Variants in FOXN3 observed in about 807,000 individuals in gnomAD.
The protein encoded by FOXN3 is forkhead box N3.
A neutral mutation model predicts 38.4 loss-of-function variants in FOXN3; 7 were observed. That is an observed-to-expected ratio of 0.18 (90% CI 0.10 to 0.34). The LOEUF (loss-of-function observed/expected upper bound fraction) is 0.34. Ranked by LOEUF, FOXN3 falls within the 10% of genes least tolerant of loss-of-function variation. FOXN3 has a pLI of 1.00. For synonymous variants in FOXN3, 230 were observed against 242.2 expected, an observed-to-expected ratio of 0.95 and a Z score of 0.47; for missense variants, 456 against 613.4, an observed-to-expected ratio of 0.74 and a Z score of 2.71.
intron 1 of FOXN3, among the ~76,000 whole-genome samples, chr14:89,513,904 TTA>T (rs1894147950): frequency 7.9e-6 from 1 of 127,256 alleles, no homozygotes; most frequent in South Asian, 2.4e-4. Flanking sequence ...TCTTTCTCTC[TTA>T]CACACACACA....
chr14:89,311,820 C>T (rs1328251841), intron 3 of FOXN3, among the ~76,000 whole-genome samples: 3 of 151,140 alleles, frequency 2.0e-5, no homozygotes, highest in East Asian at 3.9e-4. Context: ...AGCGAGACTC[C>T]GTCTCAAAAA....
At chr14:89,300,015 T>C (rs1887168750) in intron 3 of FOXN3, among the ~76,000 whole-genome samples, 1 of 152,138 alleles carries the variant, frequency 6.6e-6, no homozygotes. Context: ...CATTTTGAGG[T>C]GGTGACCAAC....
At chr14:89,328,087 A>G (rs1198070469) in intron 3 of FOXN3, among the ~76,000 whole-genome samples, 1 of 152,260 alleles carries the variant, frequency 6.6e-6, no homozygotes, top group Non-Finnish European at 1.5e-5. Context: ...CAAAACAGCC[A>G]GGATCGTTAA....
In FOXN3 at chr14:89,193,287, T is replaced by C. The variant is rs530750265; in HGVS notation, c.746-12481A>G. ...AGGAAGTCTGGAGTCTTTTCCTATT[T>C]ATATGGCCAGAAAATTAAAGAAAAT... On this transcript the variant is annotated intron_variant, in intron 4 of 5. Transcript: ENST00000557258. 6.6e-5 allele frequency among the ~76,000 whole-genome samples: 10 copies of C among 151,870 alleles called. No individual in the cohort carries two copies. The South Asian group carries it at 8.3e-4, about 13-fold the overall frequency.
intron 3 of FOXN3, among the ~76,000 whole-genome samples, chr14:89,281,512 TC>T (rs1886459588): frequency 1.3e-5 from 2 of 152,218 alleles, no homozygotes; most frequent in South Asian, 4.2e-4. Flanking sequence ...ATTTCCTCCT[TC>T]CCCCTCTTCT....
chr14:89,534,456 T>C (rs1046941451), intron 1 of FOXN3, among the ~76,000 whole-genome samples: 9 of 152,136 alleles, frequency 5.9e-5, no homozygotes, highest in African/African-American at 1.7e-4. Context: ...CGAAGAAACA[T>C]TGGAATTTTA....
At position 89,188,845 on chromosome 14, in the gene FOXN3, TA is replaced by T. The variant is rs546498137; in HGVS notation, c.746-8040del. Among the ~76,000 whole-genome samples, 1,316 of 149,862 alleles carry T rather than the reference TA, an allele frequency of 8.8e-3. 20 individuals carry two copies. The highest frequency in any genetic ancestry group is 0.029 in the African/African-American group (1,199 of 40,966). ...TGCCATCTAAGAATGGAAGTTTATT[TA>T]AAAAAAAAAATTTAAAAACATATAC... On this transcript the variant is annotated intron_variant, in intron 4 of 5. Coordinates refer to ENST00000557258, the MANE Select transcript of FOXN3 (RefSeq NM_005197.4).
At chr14:89,270,343 G>T (rs1309391662) in intron 4 of FOXN3, among the ~76,000 whole-genome samples, 5 of 152,186 alleles carry the variant, frequency 3.3e-5, no homozygotes. Context: ...TGTCGGGGGT[G>T]GAAGGTACTG....
At chr14:89,555,870 T>TGTGTGG (rs1895107426) in intron 1 of FOXN3, among the ~76,000 whole-genome samples, 1 of 117,404 alleles carries the variant, frequency 8.5e-6, no homozygotes, top group Non-Finnish European at 1.8e-5. Flanking sequence ...TGTGTGTGTG[T>TGTGTGG]GTGTGTATGT....
At chr14:89,440,604 C>G (rs189395641) in intron 1 of FOXN3, among the ~76,000 whole-genome samples, 1 of 152,202 alleles carries the variant, frequency 6.6e-6, no homozygotes, top group Non-Finnish European at 1.5e-5. Flanking sequence ...CCTTGCGACC[C>G]CGACTCCTGC....
intron 1 of FOXN3, among the ~76,000 whole-genome samples, chr14:89,597,001 A>C (rs1391795993): frequency 6.6e-6 from 1 of 152,022 alleles, no homozygotes; most frequent in Non-Finnish European, 1.5e-5. Context: ...CCTTTCTTCA[A>C]CACTGTAAAA....
intron 3 of FOXN3, among the ~76,000 whole-genome samples, chr14:89,341,976 G>A (rs1017832803): frequency 6.6e-6 from 1 of 152,112 alleles, no homozygotes; most frequent in African/African-American, 2.4e-5. Flanking sequence ...GCACCTACTA[G>A]GCCCATCAAC....
At chr14:89,511,953 CT>C (rs1232418590) in intron 1 of FOXN3, among the ~76,000 whole-genome samples, 2 of 152,178 alleles carry the variant, frequency 1.3e-5, no homozygotes, top group Non-Finnish European at 2.9e-5. Flanking sequence ...AAAACTGCCC[CT>C]GATTCACTTA....
intron 1 of FOXN3, among the ~76,000 whole-genome samples, chr14:89,440,599 C>T (rs540354230): frequency 2.0e-5 from 3 of 152,300 alleles, no homozygotes; most frequent in South Asian, 4.1e-4. Context: ...GAGCACCTTG[C>T]GACCCCGACT....
chr14:89,242,476 A>G (rs1596126297), intron 4 of FOXN3, among the ~76,000 whole-genome samples: 1 of 152,266 alleles, frequency 6.6e-6, no homozygotes, highest in East Asian at 1.9e-4. Flanking sequence ...TTACTATAAA[A>G]ATGCTGAATT....
intron 4 of FOXN3, among the ~76,000 whole-genome samples, chr14:89,276,609 G>C (rs1169649536): frequency 2.6e-5 from 4 of 152,196 alleles, no homozygotes; most frequent in African/African-American, 4.8e-5. Flanking sequence ...GTGGTTGAGA[G>C]GGTGGGACCT....
At chr14:89,408,875 T>C (rs893890882) in intron 2 of FOXN3, among the ~76,000 whole-genome samples, 2 of 152,000 alleles carry the variant, frequency 1.3e-5, no homozygotes, top group African/African-American at 4.8e-5. Context: ...TCCCGCCAAA[T>C]AAAATCTCAT....
chr14:89,279,598 TCTA>T (rs1171201526), intron 4 of FOXN3, among the ~76,000 whole-genome samples: 2 of 152,218 alleles, frequency 1.3e-5, no homozygotes, highest in Non-Finnish European at 2.9e-5. Flanking sequence ...AGTTTCCACT[TCTA>T]CTATCTGAAG....
chr14:89,499,089 G>A (rs1893745003), intron 1 of FOXN3, among the ~76,000 whole-genome samples: 1 of 151,990 alleles, frequency 6.6e-6, no homozygotes, highest in South Asian at 2.1e-4. Flanking sequence ...CCAGGAAAAG[G>A]CCCCACACTA....
Sources: gnomAD v4.1 joint callset for allele counts (sites outside exome capture counted in the v4.1 genomes callset) on GRCh38, gnomAD v4.1.1 for gene constraint, MANE v1.5 for transcripts, NCBI Gene and HGNC (gene_info 2026-07-23, HGNC 2026-07-21) for gene names.